Variants in AKR1C3 observed in about 807,000 individuals in gnomAD.
AKR1C3 encodes the protein aldo-keto reductase family 1 member C3.
AKR1C3 carries 48 observed loss-of-function variants against 43.6 expected under a neutral mutation model. That is an observed-to-expected ratio of 1.10 (90% confidence interval 0.87 to 1.40). The LOEUF is 1.40. AKR1C3 is among the 40% of genes most tolerant of loss of function. The pLI is 0.00. For missense variants in AKR1C3, 482 were observed against 391.2 expected, an observed-to-expected ratio of 1.23 and a Z score of -1.96; for synonymous variants, 162 against 139.6, an observed-to-expected ratio of 1.16 and a Z score of -1.13.
chr10:5,105,031 A>C (rs1839464332), intron 7 of AKR1C3, among the ~76,000 whole-genome samples: 1 of 147,668 alleles, frequency 6.8e-6, no homozygotes, highest in Non-Finnish European at 1.5e-5. Flanking sequence ...AATTAGTGGC[A>C]TCCTCTTGAT....
At chr10:5,079,167 A>G (rs1838777686) in intron 1 of AKR1C3, among the ~76,000 whole-genome samples, 1 of 152,138 alleles carries the variant, frequency 6.6e-6, no homozygotes, top group African/African-American at 2.4e-5. Flanking sequence ...AAATCATTTC[A>G]TTTATTGATG....
chr10:5,062,702 A>G (rs1228467958), intron 1 of AKR1C3, among the ~76,000 whole-genome samples: 1 of 152,148 alleles, frequency 6.6e-6, no homozygotes, highest in Admixed American at 6.5e-5. Flanking sequence ...TCCTAAGAAA[A>G]AATTTTAAAT....
Position 5,107,569 on chromosome 10 carries a change from C to T in AKR1C3, c.*66C>T. The T allele has an allele frequency of 7.6e-7, 1 of 1,312,690 alleles. No individual in the cohort carries two copies. Among genetic ancestry groups the T allele is most frequent in the Non-Finnish European group, 1.1e-6 (1 of 914,910 alleles). 81.3% of individuals were successfully genotyped at this position (1,312,690 alleles called of 1,614,324 possible). Reference sequence around the variant, plus strand: ...GTGGATGGTGACGCAGAGGACGTCTCTATGCCGGTGACTGGACATATCACC... The same window carrying T: ...GTGGATGGTGACGCAGAGGACGTCTTTATGCCGGTGACTGGACATATCACC... On this transcript the variant is annotated 3_prime_UTR_variant, in exon 9 of 9. Transcript: ENST00000380554.
chr10:5,094,480 T>C lies in AKR1C3; in HGVS notation c.36T>C (p.Asp12=). The C allele has an allele frequency of 6.2e-7, 1 of 1,612,878 alleles. No homozygotes were observed. The highest frequency in any genetic ancestry group is 1.1e-5 in the South Asian group (1 of 91,058). The change falls in exon 1 of 9, where the codon GAT becomes GAC. Residue 12 remains aspartate (D), a synonymous_variant. Transcript: ENST00000380554. ...AACACCAGTGTGTAAAGCTAAATGA[T>C]GGCCACTTCATGCCTGTATTGGGAT... is the stretch of plus-strand genomic sequence containing the variant. ...DSKHQCVKLN[D]GHFMPVLGFG... is the part of the protein sequence containing the mutation.
chr10:5,100,616 CT>C (rs1177189061), intron 5 of AKR1C3, among the ~76,000 whole-genome samples: 4 of 152,134 alleles, frequency 2.6e-5, no homozygotes, highest in Non-Finnish European at 5.9e-5. Context: ...CTAATTTACA[CT>C]TTTTTATTCT....
At chr10:5,063,685 C>A (rs1157242023) in intron 1 of AKR1C3, among the ~76,000 whole-genome samples, 4 of 137,008 alleles carry the variant, frequency 2.9e-5, no homozygotes, top group Non-Finnish European at 6.1e-5. Context: ...TACTCAGAAG[C>A]CTCAGAGGCA....
intron 1 of AKR1C3, among the ~76,000 whole-genome samples, chr10:5,085,852 T>C (rs782527440): frequency 6.6e-6 from 1 of 151,918 alleles, no homozygotes; most frequent in Non-Finnish European, 1.5e-5. Context: ...GATTTTCTAG[T>C]TTATTTGCAT....
At chr10:5,098,937 C>A in intron 4 of AKR1C3, 58 bp downstream of exon 4, 1 of 1,417,744 alleles carries the variant, frequency 7.1e-7, no homozygotes, top group Non-Finnish European at 9.8e-7. Flanking sequence ...AATCTGTTTC[C>A]CAGGTTCAAT....
In AKR1C3 at chr10:5,063,764, G is replaced by GAAAA. The variant is rs1406943359; in HGVS notation, c.84+14869_84+14870insAAAA. Among the ~76,000 whole-genome samples, 60 of 33,422 alleles carry GAAAA rather than the reference G, an allele frequency of 1.8e-3. 1 individual carries two copies. Among genetic ancestry groups the GAAAA allele is most frequent in the Middle Eastern group, 0.037 (2 of 54 alleles). The allele number at this position is 33,422 out of a possible 152,430, so 21.9% of individuals were successfully genotyped here. A position where few individuals can be genotyped will look rare whatever the true frequency, so the allele number is the denominator to read the frequency against. On this transcript the variant is annotated intron_variant, in intron 1 of 8. Transcript: ENST00000439082. ...GAGGACAGAGGTAGTCTCTGTCTCA[G>GAAAA]CAAAAAAAAAAAAAAAAAAAAAAAA... is the stretch of plus-strand genomic sequence containing the variant.
intron 5 of AKR1C3, 41 bp from the exon 6 acceptor site, chr10:5,102,060 T>A: frequency 8.1e-7 from 1 of 1,234,454 alleles, no homozygotes; most frequent in Non-Finnish European, 1.2e-6. Flanking sequence ...AACATAACTA[T>A]TTCATATAAA....
At chr10:5,088,861 C>T (rs1159366226) in intron 1 of AKR1C3, among the ~76,000 whole-genome samples, 1 of 151,830 alleles carries the variant, frequency 6.6e-6, no homozygotes, top group East Asian at 1.9e-4. Context: ...TAGCCAATTG[C>T]TTTAGAGACT....
intron 1 of AKR1C3, among the ~76,000 whole-genome samples, chr10:5,075,741 G>A (rs2131810087): frequency 6.6e-6 from 1 of 152,244 alleles, no homozygotes; most frequent in South Asian, 2.1e-4. Flanking sequence ...GGGCATGGTG[G>A]TGCATGCCTC....
chr10:5,106,310 A>T (rs1052457678), intron 8 of AKR1C3, among the ~76,000 whole-genome samples: 7 of 152,278 alleles, frequency 4.6e-5, no homozygotes, highest in East Asian at 1.9e-4. Context: ...CAGAGAATTT[A>T]AAAAAATTTA....
chr10:5,077,395 T>A (rs556322736), intron 1 of AKR1C3, among the ~76,000 whole-genome samples: 2 of 152,320 alleles, frequency 1.3e-5, no homozygotes, highest in East Asian at 3.9e-4. Flanking sequence ...GTCAAGACTA[T>A]AGGTTTTCAT....
chr10:5,072,200 A>T (rs561655433), intron 1 of AKR1C3, among the ~76,000 whole-genome samples: 1 of 152,338 alleles, frequency 6.6e-6, no homozygotes, highest in Non-Finnish European at 1.5e-5. Context: ...ATTTATGGCC[A>T]AACCCTGGCA....
At chr10:5,086,245 G>A (rs1838962347) in intron 1 of AKR1C3, among the ~76,000 whole-genome samples, 2 of 151,592 alleles carry the variant, frequency 1.3e-5, no homozygotes, top group East Asian at 3.9e-4. Context: ...ACATTGCTTT[G>A]AATGTGTCCC....
chr10:5,092,987 C>T (rs1254682708), upstream of AKR1C3, among the ~76,000 whole-genome samples: 1 of 152,028 alleles, frequency 6.6e-6, no homozygotes, highest in Non-Finnish European at 1.5e-5. Context: ...TTAGCATAAG[C>T]CCAACATAAA....
At chr10:5,055,631 C>G (rs1838244075) in intron 1 of AKR1C3, among the ~76,000 whole-genome samples, 1 of 152,164 alleles carries the variant, frequency 6.6e-6, no homozygotes, top group Non-Finnish European at 1.5e-5. Flanking sequence ...GGGGTTGTCC[C>G]ACGAGTCTGA....
intron 8 of AKR1C3, among the ~76,000 whole-genome samples, chr10:5,106,156 CTTTTATTATTTCAAATG>C (rs1839494587): frequency 6.6e-6 from 1 of 152,188 alleles, no homozygotes; most frequent in South Asian, 2.1e-4. Flanking sequence ...AATTCAGCAT[CTTTTATTATTTCAAATG>C]TTTTTCCTCC....
Sources: gnomAD v4.1 joint callset for allele counts (sites outside exome capture counted in the v4.1 genomes callset) on GRCh38, gnomAD v4.1.1 for gene constraint, MANE v1.5 for transcripts, NCBI Gene and HGNC (gene_info 2026-07-23, HGNC 2026-07-21) for gene names.